The following C11orf65 variants were observed in gnomAD, a reference collection of about 807,000 sequenced individuals.
C11orf65 encodes protein MFI.
C11orf65 carries 38 observed loss-of-function variants against 35.3 expected under a neutral mutation model. The ratio of observed to expected loss-of-function variants is 1.08; its 90% CI spans 0.83 to 1.41. The LOEUF is 1.41. Ranked by LOEUF, C11orf65 falls within the 40% of genes most tolerant of loss-of-function variation. The probability of loss-of-function intolerance (pLI) is 0.00; values close to 1 mark genes in which losing one functional copy is unlikely to be tolerated. For synonymous variants in C11orf65, 105 were observed against 114.4 expected, an observed-to-expected ratio of 0.92 and a Z score of 0.53; for missense variants, 370 against 367.1, an observed-to-expected ratio of 1.01 and a Z score of -0.06.
intron 6 of C11orf65, among the ~76,000 whole-genome samples, chr11:108,403,778 C>A (rs2092486300): frequency 6.6e-6 from 1 of 152,176 alleles, no homozygotes; most frequent in Non-Finnish European, 1.5e-5. Context: ...TCCCTTGGCA[C>A]CTCTGTTGAA....
At chr11:108,460,388 G>A (rs1248886161) in intron 2 of C11orf65, among the ~76,000 whole-genome samples, 2 of 152,022 alleles carry the variant, frequency 1.3e-5, no homozygotes, top group Non-Finnish European at 2.9e-5. Flanking sequence ...AATTCAACTT[G>A]GAATATTCCT....
At chr11:108,432,205 A>G (rs2135428603) in intron 2 of C11orf65, among the ~76,000 whole-genome samples, 1 of 152,324 alleles carries the variant, frequency 6.6e-6, no homozygotes, top group East Asian at 1.9e-4. Flanking sequence ...TTCAGCTGTT[A>G]GTATTTAGCA....
intron 6 of C11orf65, among the ~76,000 whole-genome samples, chr11:108,399,352 A>G: frequency 6.6e-6 from 1 of 152,144 alleles, no homozygotes; most frequent in East Asian, 1.9e-4. Flanking sequence ...GAAACTATAA[A>G]TGTTGGTCAG....
At chr11:108,355,457 A>T (rs1055541737) in intron 2 of C11orf65, 2 of 157,024 alleles carry the variant, frequency 1.3e-5, no homozygotes, top group African/African-American at 4.8e-5. Context: ...GGGCAGAAAA[A>T]AGGAAGTCAA....
intron 2 of C11orf65, chr11:108,336,412 T>C (rs1159032985): frequency 1.3e-5 from 2 of 158,888 alleles, no homozygotes; most frequent in African/African-American, 4.8e-5. Context: ...GTAAAAAGTA[T>C]TTATTAATGT....
intron 6 of C11orf65, among the ~76,000 whole-genome samples, chr11:108,394,465 G>T (rs1188116735): frequency 6.6e-6 from 1 of 152,174 alleles, no homozygotes; most frequent in East Asian, 1.9e-4. Flanking sequence ...ACTTATGAGA[G>T]CCAGTATTCA....
chr11:108,441,665 A>G (rs963075706), intron 2 of C11orf65, among the ~76,000 whole-genome samples: 2 of 152,226 alleles, frequency 1.3e-5, no homozygotes, highest in African/African-American at 2.4e-5. Flanking sequence ...CCATTCTGCA[A>G]TATTTGCTGT....
intron 6 of C11orf65, among the ~76,000 whole-genome samples, chr11:108,320,253 C>T (rs927446160): frequency 1.3e-5 from 2 of 152,178 alleles, no homozygotes; most frequent in African/African-American, 4.8e-5. Context: ...CAGGTTCATT[C>T]TTTACCCTGA....
At chr11:108,331,185 A>C, downstream of C11orf65, 2 of 1,162,638 alleles carry the variant, frequency 1.7e-6, no homozygotes, top group Non-Finnish European at 2.1e-6. Context: ...TTGGAATATA[A>C]ACAGTACCAA....
chr11:108,466,643 T>A (rs2093542346), intron 1 of C11orf65, among the ~76,000 whole-genome samples: 1 of 152,220 alleles, frequency 6.6e-6, no homozygotes, highest in Non-Finnish European at 1.5e-5. Flanking sequence ...CAATGAAGTA[T>A]TTTACTACAC....
At chr11:108,395,721 CG>C (rs2092294066) in intron 6 of C11orf65, among the ~76,000 whole-genome samples, 1 of 148,036 alleles carries the variant, frequency 6.8e-6, no homozygotes, top group Non-Finnish European at 1.5e-5. Context: ...CCCGGGTTCA[CG>C]CCAGTCTCCT....
intron 6 of C11orf65, among the ~76,000 whole-genome samples, chr11:108,404,520 G>C (rs1490757120): frequency 6.6e-6 from 1 of 151,780 alleles, no homozygotes; most frequent in Admixed American, 6.6e-5. Context: ...CCATTCTCCT[G>C]CCTCAGCCTC....
rs2091901627 is a variant in C11orf65, at chr11:108,383,135, A to G, written c.828T>C (p.Tyr276=). The change falls in exon 9 of 9, where the codon TAT becomes TAC. Residue 276 remains tyrosine (Y), a synonymous_variant. Transcript: ENST00000393084. ...TTTGCATCTTTGATATGTCTCCTCC[A>G]TAGTTATATATGTTTTTCTGTGCTT... is the stretch of plus-strand genomic sequence containing the variant. ...FNQAQKNIYN[Y]GGDISKMQMG... 6.2e-7 allele frequency: 1 copy of G among 1,606,812 alleles called. No individual in the cohort carries two copies. The highest frequency in any genetic ancestry group is 1.3e-5 in the African/African-American group (1 of 74,638).
intron 3 of C11orf65, chr11:108,332,967 T>A: frequency 6.5e-7 from 1 of 1,543,988 alleles, no homozygotes; most frequent in Non-Finnish European, 8.8e-7. Flanking sequence ...ATATATTAGT[T>A]ATAGAGCCTA....
intron 3 of C11orf65, among the ~76,000 whole-genome samples, chr11:108,423,165 G>A (rs1274943713): frequency 2.6e-5 from 4 of 152,078 alleles, no homozygotes; most frequent in East Asian, 1.9e-4. Context: ...CAGCCCTTTG[G>A]GCAGACACCA....
chr11:108,446,894 T>C (rs1409356492), intron 2 of C11orf65, among the ~76,000 whole-genome samples: 14 of 152,190 alleles, frequency 9.2e-5, no homozygotes, highest in Non-Finnish European at 1.6e-4. Context: ...ACCCATCTCA[T>C]GTGCAGAGAC....
intron 3 of C11orf65, chr11:108,333,833 C>T (rs2136606722): frequency 7.1e-7 from 1 of 1,398,700 alleles, no homozygotes; most frequent in South Asian, 1.2e-5. Context: ...CCTGCTTGAC[C>T]TTCAATGCTG....
intron 2 of C11orf65, among the ~76,000 whole-genome samples, chr11:108,455,383 C>A (rs2093399349): frequency 1.3e-5 from 2 of 152,166 alleles, no homozygotes; most frequent in South Asian, 4.1e-4. Context: ...AAATAATAAG[C>A]AAATTTAGTA....
At chr11:108,437,758 A>C (rs2093086260) in intron 2 of C11orf65, among the ~76,000 whole-genome samples, 1 of 150,878 alleles carries the variant, frequency 6.6e-6, no homozygotes. Flanking sequence ...AATTAAACGG[A>C]AAAACACCCC....
Sources: gnomAD v4.1 joint callset for allele counts (sites outside exome capture counted in the v4.1 genomes callset) on GRCh38, gnomAD v4.1.1 for gene constraint, MANE v1.5 for transcripts, NCBI Gene and HGNC (gene_info 2026-07-23, HGNC 2026-07-21) for gene names.